The following MYO1D variants were observed in gnomAD, a reference collection of about 807,000 sequenced individuals.
MYO1D encodes unconventional myosin-Id.
MYO1D carries 83 observed loss-of-function variants against 122.0 expected under a neutral mutation model. That is an observed-to-expected ratio of 0.68 (90% CI 0.57 to 0.82). The LOEUF is 0.82. Among genes scored for constraint, MYO1D ranks in the 40% least tolerant of loss-of-function variants. The probability of loss-of-function intolerance (pLI) is 0.00; values close to 1 mark genes in which losing one functional copy is unlikely to be tolerated. For missense variants in MYO1D, 1,157 were observed against 1,269.5 expected (o/e 0.91, Z 1.35); for synonymous variants, 464 against 446.9 (o/e 1.04, Z -0.48).
At chr17:32,625,111 C>T (rs2087909910) in intron 20 of MYO1D, among the ~76,000 whole-genome samples, 1 of 152,100 alleles carries the variant, frequency 6.6e-6, no homozygotes, top group South Asian at 2.1e-4. Context: ...TCCTAATGGA[C>T]CATACCTTCG....
chr17:32,798,040 A>T (rs1458778989), intron 1 of MYO1D, among the ~76,000 whole-genome samples: 1 of 152,202 alleles, frequency 6.6e-6, no homozygotes, highest in African/African-American at 2.4e-5. Context: ...CTCTACTTGG[A>T]GAAATCTGAA....
intron 21 of MYO1D, among the ~76,000 whole-genome samples, chr17:32,543,654 T>C (rs1910923072): frequency 6.6e-6 from 1 of 152,238 alleles, no homozygotes; most frequent in African/African-American, 2.4e-5. Flanking sequence ...TGCCATGCTG[T>C]ACTACTCCAG....
Position 32,597,387 on chromosome 17 carries a change from CAT to C in MYO1D, c.2864+7698_2864+7699del, listed in dbSNP as rs1485635519. Among the ~76,000 whole-genome samples the C allele has an allele frequency of 5.3e-5, 8 of 152,058 alleles. No homozygotes were observed. In the East Asian group the frequency reaches 9.7e-4, roughly 18 times the overall value. ...AGATATAGCCTGTATTATACATAATCATATGTGTGTATACATATCTATCTGTA... is the reference window on the plus strand; with the variant it reads ...AGATATAGCCTGTATTATACATAATCATGTGTGTATACATATCTATCTGTA... On this transcript the variant is annotated intron_variant, in intron 21 of 21. Coordinates refer to ENST00000318217, the MANE Select transcript of MYO1D (RefSeq NM_015194.3).
intron 2 of MYO1D, among the ~76,000 whole-genome samples, chr17:32,779,525 ATTTG>A (rs2090214527): frequency 1.3e-5 from 2 of 151,556 alleles, no homozygotes; most frequent in Non-Finnish European, 2.9e-5. Flanking sequence ...TTATGACTGT[ATTTG>A]TTTGCACATC....
At chr17:32,618,411 A>T (rs2087805785) in intron 20 of MYO1D, among the ~76,000 whole-genome samples, 1 of 152,154 alleles carries the variant, frequency 6.6e-6, no homozygotes, top group Admixed American at 6.5e-5. Context: ...AATTCACCTC[A>T]CTGCACTGAA....
intron 1 of MYO1D, among the ~76,000 whole-genome samples, chr17:32,785,722 C>T (rs1382502144): frequency 1.3e-5 from 2 of 152,196 alleles, no homozygotes; most frequent in South Asian, 2.1e-4. Flanking sequence ...CTTTGAGCCA[C>T]GTTCTCTTCA....
intron 16 of MYO1D, 36 bp from the exon 17 acceptor site, chr17:32,659,374 G>T: frequency 1.3e-6 from 2 of 1,598,786 alleles, no homozygotes; most frequent in South Asian, 2.2e-5. Context: ...AAACGTTATT[G>T]ACCGGCTGAG....
At chr17:32,680,655 C>T (rs1439273546) in intron 16 of MYO1D, among the ~76,000 whole-genome samples, 24 of 149,868 alleles carry the variant, frequency 1.6e-4, no homozygotes, top group Non-Finnish European at 7.4e-5. Flanking sequence ...CTGCTGGATT[C>T]GGTTTGCCAG....
intron 1 of MYO1D, among the ~76,000 whole-genome samples, chr17:32,831,531 T>C (rs1261820231): frequency 2.0e-5 from 3 of 152,258 alleles, no homozygotes; most frequent in Admixed American, 6.5e-5. Context: ...AAGAGGAATG[T>C]GAGCATAGGG....
At chr17:32,614,072 ATTTTT>A (rs527897976) in intron 20 of MYO1D, among the ~76,000 whole-genome samples, 8 of 126,622 alleles carry the variant, frequency 6.3e-5, no homozygotes, top group Non-Finnish European at 1.1e-4. Flanking sequence ...TAATGTTTTA[ATTTTT>A]TTTTTTTTTT....
chr17:32,875,916 A>C (rs1265626151), intron 1 of MYO1D, among the ~76,000 whole-genome samples: 1 of 152,228 alleles, frequency 6.6e-6, no homozygotes, highest in Non-Finnish European at 1.5e-5. Flanking sequence ...AAACTACTTT[A>C]AAACTGTTTA....
intron 1 of MYO1D, among the ~76,000 whole-genome samples, chr17:32,842,509 G>A (rs1235095257): frequency 6.6e-6 from 1 of 152,030 alleles, no homozygotes; most frequent in African/African-American, 2.4e-5. Flanking sequence ...TACACTTTAA[G>A]GGGCTCTCTT....
Position 32,638,695 on chromosome 17 carries a change from A to G in MYO1D, c.2709+27T>C, listed in dbSNP as rs376355985. ...CATGAGCACCAGGTTAAGAATCTTT[A>G]TCCAGAGAGAAGCACAGAGGACTTA... On this transcript the variant is annotated intron_variant, in intron 20 of 21. Coordinates refer to ENST00000318217, the MANE Select transcript of MYO1D (RefSeq NM_015194.3). 63 of 1,505,944 alleles carry G rather than the reference A, an allele frequency of 4.2e-5. 1 individual carries two copies. The African/African-American group carries it at 6.2e-4, about 15-fold the overall frequency. 93.3% of individuals were successfully genotyped at this position (1,505,944 alleles called of 1,614,324 possible).
At chr17:32,540,327 C>A (rs868517106) in intron 21 of MYO1D, among the ~76,000 whole-genome samples, 691 of 69,416 alleles carry the variant, frequency 1.0e-2, no homozygotes, top group East Asian at 0.041. Flanking sequence ...GAGACTATCT[C>A]AAAAAAAAAA....
intron 21 of MYO1D, among the ~76,000 whole-genome samples, chr17:32,541,308 C>G (rs1350044313): frequency 6.6e-6 from 1 of 152,130 alleles, no homozygotes; most frequent in African/African-American, 2.4e-5. Context: ...GAAAATGTTA[C>G]GCCAAGAGGA....
chr17:32,497,696 C>T (rs1909169460), intron 21 of MYO1D: 1 of 152,390 alleles, frequency 6.6e-6, no homozygotes, highest in Admixed American at 6.5e-5. Context: ...CTGGAAGGTC[C>T]AAGCCGATCA....
intron 19 of MYO1D, among the ~76,000 whole-genome samples, chr17:32,650,158 T>C (rs1275516331): frequency 6.6e-6 from 1 of 152,212 alleles, no homozygotes; most frequent in Non-Finnish European, 1.5e-5. Context: ...TGAAAAAGTC[T>C]TTATTTCACT....
intron 21 of MYO1D, among the ~76,000 whole-genome samples, chr17:32,535,775 A>G (rs1317050912): frequency 1.3e-5 from 2 of 152,188 alleles, no homozygotes; most frequent in African/African-American, 4.8e-5. Flanking sequence ...AAACAAAACA[A>G]AAATCGTACT....
chr17:32,779,175 C>T (rs2090210414), intron 2 of MYO1D, among the ~76,000 whole-genome samples: 3 of 152,066 alleles, frequency 2.0e-5, no homozygotes, highest in South Asian at 4.1e-4. Flanking sequence ...TGCCTTCTGA[C>T]TCAAAAATTC....
Sources: gnomAD v4.1 joint callset for allele counts (sites outside exome capture counted in the v4.1 genomes callset) on GRCh38, gnomAD v4.1.1 for gene constraint, MANE v1.5 for transcripts, NCBI Gene and HGNC (gene_info 2026-07-23, HGNC 2026-07-21) for gene names.